Variants in MARCHF8 observed in about 807,000 individuals in gnomAD.
The protein encoded by MARCHF8 is membrane associated ring-CH-type finger 8, also known as E3 ubiquitin-protein ligase MARCHF8.
In MARCHF8, 40 loss-of-function variants were observed where a neutral mutation model predicts 51.6. That is an observed-to-expected ratio of 0.77 (90% CI 0.60 to 1.01). The LOEUF (loss-of-function observed/expected upper bound fraction) is 1.01, where lower values mean the gene tolerates loss of function less well. Among genes scored for constraint, MARCHF8 ranks in the 50% least tolerant of loss-of-function variants. The probability of loss-of-function intolerance (pLI) is 0.00; values close to 1 mark genes in which losing one functional copy is unlikely to be tolerated. For synonymous variants in MARCHF8, 263 were observed against 280.3 expected, an observed-to-expected ratio of 0.94 and a Z score of 0.62; for missense variants, 685 against 708.6, an observed-to-expected ratio of 0.97 and a Z score of 0.38.
At chr10:45,588,700 T>G (rs1316702319) in intron 1 of MARCHF8, among the ~76,000 whole-genome samples, 1 of 152,136 alleles carries the variant, frequency 6.6e-6, no homozygotes, top group Non-Finnish European at 1.5e-5. Flanking sequence ...AAATAATGAA[T>G]AAAAGAATCC....
intron 1 of MARCHF8, among the ~76,000 whole-genome samples, chr10:45,563,306 C>T (rs925591195): frequency 3.3e-5 from 5 of 152,104 alleles, no homozygotes; most frequent in Admixed American, 6.6e-5. Flanking sequence ...GAATTACAGC[C>T]GTGAGCCACT....
intron 2 of MARCHF8, among the ~76,000 whole-genome samples, chr10:45,511,618 C>T (rs943123275): frequency 3.3e-5 from 5 of 152,198 alleles, no homozygotes; most frequent in Admixed American, 2.0e-4. Flanking sequence ...CTGTGTTGGC[C>T]GGGCTGGTCT....
chr10:45,535,669 A>G (rs2043961916), upstream of MARCHF8, among the ~76,000 whole-genome samples: 2 of 152,206 alleles, frequency 1.3e-5, no homozygotes, highest in Admixed American at 6.5e-5. Flanking sequence ...AGGCCATGCC[A>G]TTTTTTATGT....
At chr10:45,534,013 C>A (rs942260869) in intron 1 of MARCHF8, among the ~76,000 whole-genome samples, 7 of 152,166 alleles carry the variant, frequency 4.6e-5, no homozygotes, top group Non-Finnish European at 8.8e-5. Flanking sequence ...GAAACCCTGT[C>A]TCTACTAAAA....
In MARCHF8 at chr10:45,470,592, C is replaced by A. The variant is rs114187050; in HGVS notation, c.154-6265G>T. Among the ~76,000 whole-genome samples, 1,014 of 152,232 alleles carry A rather than the reference C, an allele frequency of 6.7e-3. 9 individuals carry two copies. The highest frequency in any genetic ancestry group is 0.023 in the African/African-American group (966 of 41,526). ...TAGGAGTAATAATAGCAATGCATTC[C>A]CAGGTTCCAGGCAATTGTGGGGACA... On this transcript the variant is annotated intron_variant, in intron 3 of 7. Transcript: ENST00000453424.
chr10:45,508,793 TTAAC>T (rs572290779), intron 2 of MARCHF8, among the ~76,000 whole-genome samples: 7 of 152,234 alleles, frequency 4.6e-5, no homozygotes, highest in South Asian at 2.1e-4. Flanking sequence ...ATTACATCCT[TTAAC>T]TATAGAGTTC....
intron 4 of MARCHF8, 65 bp from the exon 5 acceptor site, chr10:45,464,061 C>A (rs866294048): frequency 1.3e-6 from 2 of 1,500,574 alleles, no homozygotes; most frequent in South Asian, 2.6e-5. Context: ...GAATAGACAT[C>A]ATAGTGAAGA....
chr10:45,589,861 G>A lies in MARCHF8; in HGVS notation c.-79+4374C>T, dbSNP rs371390592. Among the ~76,000 whole-genome samples, 8 of 152,230 alleles carry A rather than the reference G, an allele frequency of 5.3e-5. No homozygotes were observed. The East Asian group carries it at 9.6e-4, about 18-fold the overall frequency. On this transcript the variant is annotated intron_variant, in intron 1 of 6. Coordinates refer to the MARCHF8 transcript ENST00000319836. The stretch of plus-strand genomic sequence containing the variant: ...CAACTTTTTGGCTATTATGGCTACC[G>A]CTACTGTGAACATGTACATACAAAT...
chr10:45,505,396 G>T (rs1282432288), intron 2 of MARCHF8, among the ~76,000 whole-genome samples: 1 of 152,198 alleles, frequency 6.6e-6, no homozygotes, highest in Admixed American at 6.5e-5. Context: ...TCTGTTACTT[G>T]CAACTACCCA....
chr10:45,582,926 T>G (rs1589194942), intron 1 of MARCHF8, among the ~76,000 whole-genome samples: 2 of 152,274 alleles, frequency 1.3e-5, no homozygotes, highest in East Asian at 3.9e-4. Context: ...TTGATTTCAC[T>G]AAAAATACGG....
chr10:45,462,611 T>G (rs1019122197), intron 5 of MARCHF8, among the ~76,000 whole-genome samples: 3 of 150,400 alleles, frequency 2.0e-5, no homozygotes, highest in African/African-American at 7.3e-5. Flanking sequence ...AGCTTCTTCC[T>G]CTTTTTTTTT....
At chr10:45,526,298 T>C (rs1454435896) in intron 2 of MARCHF8, among the ~76,000 whole-genome samples, 2 of 152,114 alleles carry the variant, frequency 1.3e-5, no homozygotes, top group African/African-American at 2.4e-5. Flanking sequence ...TCAGCCAGGA[T>C]TGCTGAGAGA....
intron 1 of MARCHF8, among the ~76,000 whole-genome samples, chr10:45,545,670 G>C (rs2133321318): frequency 6.6e-6 from 1 of 152,324 alleles, no homozygotes; most frequent in South Asian, 2.1e-4. Flanking sequence ...AGTTTCCTAA[G>C]TTACAGATAA....
chr10:45,578,791 G>A (rs888766462), intron 1 of MARCHF8, among the ~76,000 whole-genome samples: 4 of 152,130 alleles, frequency 2.6e-5, no homozygotes, highest in African/African-American at 9.7e-5. Context: ...TGCATAAAAT[G>A]CATGAACTGA....
At chr10:45,537,597 G>A (rs866035201), upstream of MARCHF8, among the ~76,000 whole-genome samples, 37 of 151,452 alleles carry the variant, frequency 2.4e-4, no homozygotes, top group African/African-American at 8.2e-4. Context: ...AGGCTACAGT[G>A]AGCCGGTATG....
intron 6 of MARCHF8, among the ~76,000 whole-genome samples, chr10:45,460,207 C>A (rs1042931367): frequency 5.3e-5 from 8 of 152,140 alleles, no homozygotes; most frequent in African/African-American, 1.9e-4. Context: ...TGCCTCAGTG[C>A]CCCATGCTCC....
chr10:45,500,073 C>A (rs539609524), intron 2 of MARCHF8, among the ~76,000 whole-genome samples: 1 of 152,262 alleles, frequency 6.6e-6, no homozygotes, highest in East Asian at 1.9e-4. Context: ...CACAGGATGT[C>A]TTCCCATTTA....
At chr10:45,479,395 T>C (rs2042845014) in intron 3 of MARCHF8, among the ~76,000 whole-genome samples, 2 of 152,142 alleles carry the variant, frequency 1.3e-5, no homozygotes, top group East Asian at 3.8e-4. Flanking sequence ...TAAATCTGAA[T>C]GGGGGAAAAG....
chr10:45,522,503 T>C (rs1055359561), intron 2 of MARCHF8, among the ~76,000 whole-genome samples: 5 of 152,200 alleles, frequency 3.3e-5, no homozygotes, highest in South Asian at 2.1e-4. Flanking sequence ...TACAAATCAG[T>C]TGAGCACATC....
Sources: allele counts gnomAD v4.1 joint callset (sites outside exome capture counted in the v4.1 genomes callset), GRCh38; gene constraint gnomAD v4.1.1; transcripts MANE v1.5; gene names NCBI Gene and HGNC (gene_info 2026-07-23, HGNC 2026-07-21).